The following SNED1 variants were observed in gnomAD, a reference collection of about 807,000 sequenced individuals.
SNED1 encodes sushi, nidogen and EGF like domains 1.
A neutral mutation model predicts 166.7 loss-of-function variants in SNED1; 81 were observed. The observed-to-expected ratio is 0.49, with a 90% CI of 0.41 to 0.58. The LOEUF (loss-of-function observed/expected upper bound fraction) is 0.58. SNED1 is among the 20% of genes least tolerant of loss of function. The pLI is 0.00. For missense variants in SNED1, 1,604 were observed against 2,000.2 expected, an observed-to-expected ratio of 0.80 and a Z score of 3.78; for synonymous variants, 762 against 822.0, an observed-to-expected ratio of 0.93 and a Z score of 1.25.
intron 2 of SNED1, among the ~76,000 whole-genome samples, chr2:241,032,642 A>T (rs2061224740): frequency 1.3e-5 from 2 of 152,254 alleles, no homozygotes; most frequent in South Asian, 2.1e-4. Flanking sequence ...AATAAAAAAT[A>T]AAAAATAATA....
At chr2:241,002,881 C>T (rs1016635342) in intron 1 of SNED1, among the ~76,000 whole-genome samples, 4 of 151,934 alleles carry the variant, frequency 2.6e-5, no homozygotes, top group African/African-American at 9.7e-5. Flanking sequence ...TCCCTCCTCT[C>T]CCTCACCCTC....
At position 241,064,482 on chromosome 2, in the gene SNED1, G is replaced by A. The variant is rs552776805; in HGVS notation, c.2599+357G>A. ...CTGGCCCCTGGCTGTCCTTCCATCT[G>A]GAACATTCTCCCTAATCAGCCCCCA... On this transcript the variant is annotated intron_variant, in intron 19 of 31. Transcript: ENST00000310397. The surrounding 1 kb of genome is among the most constrained non-coding windows in gnomAD (Gnocchi z 7.0). Among the ~76,000 whole-genome samples the A allele has an allele frequency of 6.6e-6, 1 of 152,112 alleles. No homozygotes were observed. The highest frequency in any genetic ancestry group is 2.1e-4 in the South Asian group (1 of 4,816).
chr2:241,063,553 C>T lies in SNED1; in HGVS notation c.2372-34C>T, dbSNP rs556324290. 381 of 1,463,154 alleles carry T rather than the reference C, an allele frequency of 2.6e-4. 6 individuals are homozygous for T. In the South Asian group the frequency reaches 3.4e-3, roughly 13 times the overall value. The allele number at this position is 1,463,154 out of a possible 1,614,324, so 90.6% of individuals were successfully genotyped here. On this transcript the variant is annotated intron_variant, in intron 17 of 31. Transcript: ENST00000310397. ...GGCATGTGGGCGCCTCAGACTTGAG[C>T]CAGCAACACCCTTGACACCCCTTCT...
chr2:241,034,451 C>G (rs1488047473), intron 3 of SNED1, 117 bp from the exon 4 acceptor site: 1 of 982,248 alleles, frequency 1.0e-6, no homozygotes, highest in Non-Finnish European at 1.5e-6. Flanking sequence ...TGGCTGAGGT[C>G]AGGACCTGGC....
chr2:241,009,859 C>T (rs116380854), intron 1 of SNED1, among the ~76,000 whole-genome samples: 2,268 of 152,184 alleles, frequency 0.015, 50 homozygotes, highest in African/African-American at 0.052. Context: ...CCAGTATTGC[C>T]GTCGGTGGCT....
chr2:241,049,987 G>C lies in SNED1; in HGVS notation c.1735+54G>C. ...CGTCAGCACCCTGGAGAGCGCCCGCGGTCCGCCGTCCTGCTTCTCTGCTGT... is the reference window on the plus strand; with the variant it reads ...CGTCAGCACCCTGGAGAGCGCCCGCCGTCCGCCGTCCTGCTTCTCTGCTGT... On this transcript the variant is annotated intron_variant, in intron 12 of 31. Transcript: ENST00000310397. 2.3e-6 allele frequency: 3 copies of C among 1,318,462 alleles called. No individual in the cohort carries two copies. The South Asian group carries it at 3.5e-5, about 16-fold the overall frequency. The allele number at this position is 1,318,462 out of a possible 1,614,324, so 81.7% of individuals were successfully genotyped here. A position where few individuals can be genotyped will look rare whatever the true frequency, so the allele number is the denominator to read the frequency against.
rs181119054 is a variant in SNED1, at chr2:241,041,732, G to A, written c.1273+1319G>A. Among the ~76,000 whole-genome samples the A allele has an allele frequency of 1.2e-3, 183 of 152,260 alleles. 1 individual carries two copies. The highest frequency in any genetic ancestry group is 4.3e-3 in the African/African-American group (179 of 41,554). ...AGAAGAAAGAAACAACAGACTGACG[G>A]TGGTGCTAACGTAATGACTGATTGA... On this transcript the variant is annotated intron_variant, in intron 8 of 31. Transcript: ENST00000310397.
At position 241,040,177 on chromosome 2, in the gene SNED1, C is replaced by A; in HGVS notation, c.1148C>A (p.Ala383Asp). ...TGCCAGGCCGGATACACCGGAGCAG[C>A]CTGCGAGATGGGTGAGTGGCCTGGC... ...CVCQAGYTGA[A>D]CEMDVDDCSP... Residue 383 changes from alanine (A) to aspartate (D), a missense_variant, in exon 7 of 32, where the codon GCC (alanine) becomes GAC (aspartate). Around this residue, in one of 2 missense-constraint regions of SNED1, gnomAD observed 1,237 missense variants for 1,620.8 expected, o/e 0.76. Coordinates refer to ENST00000310397, the MANE Select transcript of SNED1 (RefSeq NM_001080437.3). 1.3e-6 allele frequency: 2 copies of A among 1,596,546 alleles called. No individual in the cohort carries two copies. Among genetic ancestry groups the A allele is most frequent in the Non-Finnish European group, 1.7e-6 (2 of 1,171,526 alleles).
At position 241,075,226 on chromosome 2, in the gene SNED1, G is replaced by T. The variant is rs2062964687; in HGVS notation, c.3916+1862G>T. ...TGGATGTTCCTGTACAGGTTTTCCA[G>T]TACGTGTGCGGGAGTGGAAAAGCTG... On this transcript the variant is annotated intron_variant, in intron 27 of 31. Coordinates refer to ENST00000310397, the MANE Select transcript of SNED1 (RefSeq NM_001080437.3). The surrounding 1 kb of genome is among the most constrained non-coding windows in gnomAD (Gnocchi z 4.8). The T allele has an allele frequency of 6.6e-6, 1 of 152,210 alleles. No individual in the cohort carries two copies. Among genetic ancestry groups the T allele is most frequent in the South Asian group, 2.1e-4 (1 of 4,828 alleles). 9.4% of individuals were successfully genotyped at this position (152,210 alleles called of 1,614,324 possible).
intron 16 of SNED1, among the ~76,000 whole-genome samples, chr2:241,054,549 C>G (rs1400403464): frequency 1.3e-5 from 2 of 152,134 alleles, no homozygotes; most frequent in Non-Finnish European, 2.9e-5. Flanking sequence ...GCCTGGGTAG[C>G]AGAGCAAGAC....
chr2:241,007,947 C>T (rs776946540), intron 1 of SNED1, among the ~76,000 whole-genome samples: 5 of 152,230 alleles, frequency 3.3e-5, no homozygotes, highest in African/African-American at 7.2e-5. Context: ...AACTGCCCCA[C>T]GTGGGCTCAC....
Position 241,073,637 on chromosome 2 carries a change from T to C in SNED1, c.3916+273T>C. 1 of 506,420 alleles carries C rather than the reference T, an allele frequency of 2.0e-6. No homozygotes were observed. The highest frequency in any genetic ancestry group is 3.5e-6 in the Non-Finnish European group (1 of 285,276). 31.4% of individuals were successfully genotyped at this position (506,420 alleles called of 1,614,324 possible). ...TAGAGAGACTGGCTTTGATGCTGCC[T>C]CCCCTCCCCTCTCCTCCTTCGCCTC... On this transcript the variant is annotated intron_variant, in intron 27 of 31. Transcript: ENST00000310397. The surrounding 1 kb of genome is among the most constrained non-coding windows in gnomAD (Gnocchi z 6.6).
chr2:241,050,353 C>T (rs767035350), intron 12 of SNED1, among the ~76,000 whole-genome samples: 9 of 152,140 alleles, frequency 5.9e-5, no homozygotes, highest in Non-Finnish European at 1.0e-4. Context: ...GCGTAGCTAT[C>T]CCCGCCAGGC....
At chr2:241,004,807 C>T (rs1347384370) in intron 1 of SNED1, among the ~76,000 whole-genome samples, 3 of 152,202 alleles carry the variant, frequency 2.0e-5, no homozygotes, top group African/African-American at 4.8e-5. Context: ...ACTGCAACCT[C>T]TGCCTCCCAG....
In SNED1 at chr2:241,073,920, G is replaced by C; in HGVS notation, c.3916+556G>C. 1 of 161,080 alleles carries C rather than the reference G, an allele frequency of 6.2e-6. No individual in the cohort carries two copies. The highest frequency in any genetic ancestry group is 2.4e-5 in the African/African-American group (1 of 41,916). The allele number at this position is 161,080 out of a possible 1,614,324, so 10.0% of individuals were successfully genotyped here. Reference sequence around the variant, plus strand: ...ACCAAGCATCTGCTGAGCACCTGCAGTAAGAGTTCCCAGACGCTCACGAGG... The same window carrying C: ...ACCAAGCATCTGCTGAGCACCTGCACTAAGAGTTCCCAGACGCTCACGAGG... On this transcript the variant is annotated intron_variant, in intron 27 of 31. Coordinates refer to ENST00000310397, the MANE Select transcript of SNED1 (RefSeq NM_001080437.3). The surrounding 1 kb of genome is among the most constrained non-coding windows in gnomAD (Gnocchi z 6.6).
At position 241,052,311 on chromosome 2, in the gene SNED1, T is replaced by A. The variant is rs1699892649; in HGVS notation, c.1970-44T>A. ...AGGATGCCCCACACAGTCCCGAGCCTTCAGGGAAGACACAGTGGCCAGGAC... is the reference window on the plus strand; with the variant it reads ...AGGATGCCCCACACAGTCCCGAGCCATCAGGGAAGACACAGTGGCCAGGAC... On this transcript the variant is annotated intron_variant, in intron 14 of 31. Coordinates refer to ENST00000310397, the MANE Select transcript of SNED1 (RefSeq NM_001080437.3). 3 of 1,526,818 alleles carry A rather than the reference T, an allele frequency of 2.0e-6. No individual in the cohort carries two copies. The African/African-American group carries it at 4.1e-5, about 21-fold the overall frequency. The allele number at this position is 1,526,818 out of a possible 1,614,324, so 94.6% of individuals were successfully genotyped here.
intron 1 of SNED1, among the ~76,000 whole-genome samples, chr2:241,003,033 G>A (rs1025098931): frequency 3.3e-5 from 5 of 151,988 alleles, no homozygotes; most frequent in Admixed American, 1.3e-4. Flanking sequence ...TCTGTGCAGA[G>A]TGACCAAGGG....
At chr2:241,072,984 G>C in intron 26 of SNED1, 2 of 475,420 alleles carry the variant, frequency 4.2e-6, no homozygotes, top group Non-Finnish European at 7.4e-6. Context: ...CCGTGAGGAT[G>C]GGGCCTCTCA....
chr2:241,068,844 T>G lies in SNED1; in HGVS notation c.3195-67T>G, dbSNP rs2062580277. 6 of 1,135,712 alleles carry G rather than the reference T, an allele frequency of 5.3e-6. No homozygotes were observed. The highest frequency in any genetic ancestry group is 7.5e-6 in the Non-Finnish European group (6 of 795,356). The allele number at this position is 1,135,712 out of a possible 1,614,324, so 70.4% of individuals were successfully genotyped here. A position where few individuals can be genotyped will look rare whatever the true frequency, so the allele number is the denominator to read the frequency against. On this transcript the variant is annotated intron_variant, in intron 22 of 31. Coordinates refer to ENST00000310397, the MANE Select transcript of SNED1 (RefSeq NM_001080437.3). The surrounding 1 kb of genome is among the most constrained non-coding windows in gnomAD (Gnocchi z 5.3). ...CACCTCCTGCCTGGGGGAGCTGCGG[T>G]CTGGCAGCAGAGTCACACACAGGTC...
Sources: allele counts gnomAD v4.1 joint callset (sites outside exome capture counted in the v4.1 genomes callset), GRCh38; gene constraint gnomAD v4.1.1; regional missense constraint gnomAD v4.1.1; non-coding constraint Gnocchi (gnomAD v3.1); transcripts MANE v1.5; gene names NCBI Gene and HGNC (gene_info 2026-07-23, HGNC 2026-07-21).